The following SLIT2 variants were observed in gnomAD, a reference collection of about 807,000 sequenced individuals.
The protein encoded by SLIT2 is slit guidance ligand 2.
SLIT2 carries 41 observed loss-of-function variants against 185.7 expected under a neutral mutation model. That is an observed-to-expected ratio of 0.22 (90% CI 0.17 to 0.29). SLIT2 has a LOEUF of 0.29. Ranked by LOEUF, SLIT2 falls within the 10% of genes least tolerant of loss-of-function variation. The probability of loss-of-function intolerance (pLI) is 1.00; values close to 1 mark genes in which losing one functional copy is unlikely to be tolerated. For missense variants in SLIT2, 1,571 were observed against 1,909.0 expected (o/e 0.82, Z 3.30); for synonymous variants, 693 against 680.2 (o/e 1.02, Z -0.29).
rs917597683 is a variant in SLIT2, at chr4:20,267,314, T to C, written c.324-1496T>C. 9.2e-5 allele frequency among the ~76,000 whole-genome samples: 14 copies of C among 152,066 alleles called. No homozygotes were observed. The South Asian group carries it at 1.5e-3, about 16-fold the overall frequency. ...AAAAAATTAGCGTGTAAGTGGGAAGTAAATTCACTCCTTTACCACTAATTT... is the reference window on the plus strand; with the variant it reads ...AAAAAATTAGCGTGTAAGTGGGAAGCAAATTCACTCCTTTACCACTAATTT... On this transcript the variant is annotated intron_variant, in intron 3 of 36. Coordinates refer to ENST00000504154, the MANE Select transcript of SLIT2 (RefSeq NM_004787.4).
chr4:20,619,109 A>G lies in SLIT2; in HGVS notation c.*100A>G. The G allele has an allele frequency of 8.0e-7, 1 of 1,257,118 alleles. No individual in the cohort carries two copies. 77.9% of individuals were successfully genotyped at this position (1,257,118 alleles called of 1,614,324 possible). ...AGTGGAAATATTTGAAATATATTGT[A>G]AAATACAGAACAGACTTATTTTTAT... On this transcript the variant is annotated 3_prime_UTR_variant, in exon 37 of 37. Coordinates refer to ENST00000504154, the MANE Select transcript of SLIT2 (RefSeq NM_004787.4).
chr4:20,618,952 C>T lies in SLIT2; in HGVS notation c.4533C>T (p.Ser1511=). Residue 1511 remains serine, a synonymous_variant, in exon 37 of 37, where the codon TCC becomes TCT. Transcript: ENST00000504154. ...KYSFECTDGS[S]FVDEVEKVVK... ...CTTTCGAATGCACTGACGGCTCCTC[C>T]TTTGTGGACGAGGTTGAGAAAGTGG... 6.2e-7 allele frequency: 1 copy of T among 1,614,084 alleles called. No homozygotes were observed. The highest frequency in any genetic ancestry group is 8.5e-7 in the Non-Finnish European group (1 of 1,180,008).
chr4:20,426,284 G>C (rs1728551904), intron 4 of SLIT2, among the ~76,000 whole-genome samples: 2 of 152,166 alleles, frequency 1.3e-5, no homozygotes, highest in Non-Finnish European at 2.9e-5. Context: ...CTTTCACTGT[G>C]TAGGAGGCAG....
At chr4:20,494,907 T>TTG (rs1718094587) in intron 9 of SLIT2, among the ~76,000 whole-genome samples, 1 of 152,088 alleles carries the variant, frequency 6.6e-6, no homozygotes, top group Non-Finnish European at 1.5e-5. Flanking sequence ...AACCATCAAC[T>TTG]GTCTAATGAA....
At chr4:20,377,024 A>T (rs567352910) in intron 4 of SLIT2, among the ~76,000 whole-genome samples, 13 of 152,230 alleles carry the variant, frequency 8.5e-5, no homozygotes, top group Middle Eastern at 3.4e-3. Context: ...AGTATAATTT[A>T]AAAAAAGTAA....
At chr4:20,455,028 CACAT>C (rs1712908710) in intron 4 of SLIT2, among the ~76,000 whole-genome samples, 1 of 152,000 alleles carries the variant, frequency 6.6e-6, no homozygotes, top group Non-Finnish European at 1.5e-5. Flanking sequence ...CATATAGAAA[CACAT>C]ACATGTTTAG....
intron 4 of SLIT2, among the ~76,000 whole-genome samples, chr4:20,373,224 A>G (rs996446088): frequency 3.9e-5 from 6 of 152,136 alleles, no homozygotes; most frequent in African/African-American, 1.2e-4. Context: ...CGCTATTATC[A>G]TACTCAAGAA....
rs559139866 is a variant in SLIT2, at chr4:20,459,110, T to C, written c.396-8642T>C. Among the ~76,000 whole-genome samples the C allele has an allele frequency of 3.9e-5, 6 of 152,134 alleles. No homozygotes were observed. In the East Asian group the frequency reaches 5.8e-4, roughly 15 times the overall value. On this transcript the variant is annotated intron_variant, in intron 4 of 36. Coordinates refer to ENST00000504154, the MANE Select transcript of SLIT2 (RefSeq NM_004787.4). ...CAAAACTGTTGCTGAGAACTAGAAG[T>C]TCCTGAGGGTTTCCAGTGGGAGAAA...
chr4:20,576,511 T>G (rs1006717326), intron 29 of SLIT2, among the ~76,000 whole-genome samples: 1 of 152,222 alleles, frequency 6.6e-6, no homozygotes, highest in African/African-American at 2.4e-5. Context: ...TCATGATCTC[T>G]TAGTAACAGT....
Position 20,322,232 on chromosome 4 carries a change from G to T in SLIT2, c.395+53351G>T, listed in dbSNP as rs556416956. On this transcript the variant is annotated intron_variant, in intron 4 of 36. Coordinates refer to ENST00000504154, the MANE Select transcript of SLIT2 (RefSeq NM_004787.4). ...GCCAAAGTTAACTACATGCACCCATGACACAACTTCAGGAGATTCTGATGA... is the reference window on the plus strand; with the variant it reads ...GCCAAAGTTAACTACATGCACCCATTACACAACTTCAGGAGATTCTGATGA... Among the ~76,000 whole-genome samples, 139 of 152,290 alleles carry T rather than the reference G, an allele frequency of 9.1e-4. 1 individual carries two copies. Among genetic ancestry groups the T allele is most frequent in the African/African-American group, 2.9e-3 (122 of 41,554 alleles).
rs1411285170 is a variant in SLIT2 at position 20,518,555 on chromosome 4, A to ATGTG, written c.1059-824_1059-823insGTGT. Among the ~76,000 whole-genome samples, 51 of 23,264 alleles carry ATGTG rather than the reference A, an allele frequency of 2.2e-3. 1 individual carries two copies. Among genetic ancestry groups the ATGTG allele is most frequent in the Non-Finnish European group, 3.6e-3 (42 of 11,690 alleles). 15.3% of individuals were successfully genotyped at this position (23,264 alleles called of 152,430 possible). ...GCATGAGCCACTGTGCCCAGCCTAT[A>ATGTG]TGTATATATATATATATATATATAT... is the stretch of plus-strand genomic sequence containing the variant. On this transcript the variant is annotated intron_variant, in intron 11 of 36. Transcript: ENST00000504154.
At chr4:20,295,515 G>T (rs1160755540) in intron 4 of SLIT2, among the ~76,000 whole-genome samples, 1 of 152,172 alleles carries the variant, frequency 6.6e-6, no homozygotes. Flanking sequence ...TAAGATAGCT[G>T]CTCAAGTGAA....
chr4:20,463,924 A>C (rs1246585025), intron 4 of SLIT2, among the ~76,000 whole-genome samples: 5 of 151,852 alleles, frequency 3.3e-5, no homozygotes, highest in Non-Finnish European at 7.4e-5. Context: ...TTAGCACTCC[A>C]AATTGCTCTT....
intron 4 of SLIT2, among the ~76,000 whole-genome samples, chr4:20,334,559 A>G (rs183028797): frequency 2.0e-4 from 30 of 152,280 alleles, no homozygotes; most frequent in East Asian, 1.7e-3. Flanking sequence ...AGTTAAGACA[A>G]ATTACATAAT....
intron 4 of SLIT2, among the ~76,000 whole-genome samples, chr4:20,328,349 A>G (rs1298590601): frequency 6.6e-6 from 1 of 152,096 alleles, no homozygotes; most frequent in Non-Finnish European, 1.5e-5. Flanking sequence ...TTGCAAGTTG[A>G]ATAAAATTCG....
intron 4 of SLIT2, among the ~76,000 whole-genome samples, chr4:20,453,513 T>C (rs1005618527): frequency 5.3e-5 from 8 of 152,182 alleles, no homozygotes; most frequent in African/African-American, 1.9e-4. Context: ...GTGCTTAATA[T>C]CTCATATAAT....
At chr4:20,450,450 T>A (rs1026387582) in intron 4 of SLIT2, among the ~76,000 whole-genome samples, 5 of 152,206 alleles carry the variant, frequency 3.3e-5, no homozygotes, top group Admixed American at 6.5e-5. Context: ...GGTATATAAC[T>A]TTAATATCAG....
intron 29 of SLIT2, among the ~76,000 whole-genome samples, chr4:20,571,247 T>C (rs1042864802): frequency 6.6e-6 from 1 of 152,160 alleles, no homozygotes; most frequent in African/African-American, 2.4e-5. Flanking sequence ...TTTTTACTTA[T>C]AACTATTGCA....
chr4:20,597,048 A>AC (rs1187772584), intron 32 of SLIT2, among the ~76,000 whole-genome samples: 2 of 147,012 alleles, frequency 1.4e-5, no homozygotes, highest in Non-Finnish European at 3.0e-5. Context: ...AACCACCAGC[A>AC]CCTTTTTTTT....
Sources: gnomAD v4.1 joint callset for allele counts (sites outside exome capture counted in the v4.1 genomes callset) on GRCh38, gnomAD v4.1.1 for gene constraint, MANE v1.5 for transcripts, NCBI Gene and HGNC (gene_info 2026-07-23, HGNC 2026-07-21) for gene names.